The following IPO8 variants were observed in gnomAD, a reference collection of about 807,000 sequenced individuals.
IPO8 encodes the protein importin 8, also known as importin-8.
In IPO8, 65 loss-of-function variants were observed where a neutral mutation model predicts 141.2. The observed-to-expected ratio is 0.46, with a 90% CI of 0.38 to 0.57. The LOEUF (loss-of-function observed/expected upper bound fraction) is 0.57, where lower values mean the gene tolerates loss of function less well. IPO8 is among the 20% of genes least tolerant of loss of function. The pLI is 0.00. For missense variants in IPO8, 980 were observed against 1,246.8 expected, an observed-to-expected ratio of 0.79 and a Z score of 3.22; for synonymous variants, 411 against 420.3, an observed-to-expected ratio of 0.98 and a Z score of 0.27.
At chr12:30,665,527 C>T (rs2052950624) in intron 12 of IPO8, among the ~76,000 whole-genome samples, 1 of 152,174 alleles carries the variant, frequency 6.6e-6, no homozygotes, top group Non-Finnish European at 1.5e-5. Flanking sequence ...ATCCCTTTCA[C>T]ATATCAATAG....
At chr12:30,684,810 G>A (rs1283735776) in intron 2 of IPO8, among the ~76,000 whole-genome samples, 1 of 152,146 alleles carries the variant, frequency 6.6e-6, no homozygotes, top group Admixed American at 6.5e-5. Context: ...TTTCCTTCAT[G>A]AAGATGGCTT....
chr12:30,647,419 T>C (rs3910564), intron 20 of IPO8, among the ~76,000 whole-genome samples: 84,596 of 151,462 alleles, frequency 0.56, 24,545 homozygotes, highest in African/African-American at 0.71. Flanking sequence ...TGACAACGGC[T>C]GGGTACAGTG....
intron 3 of IPO8, among the ~76,000 whole-genome samples, chr12:30,682,900 T>C (rs551175120): frequency 1.3e-5 from 2 of 152,290 alleles, no homozygotes; most frequent in Admixed American, 1.3e-4. Context: ...ATGATTATAA[T>C]TAAGCCTTAA....
intron 17 of IPO8, 89 bp downstream of exon 17, chr12:30,656,595 T>C (rs1452639940): frequency 2.0e-5 from 13 of 660,234 alleles, no homozygotes; most frequent in Non-Finnish European, 3.3e-5. Context: ...ATTGTCCATC[T>C]TGTTAAATCT....
At chr12:30,688,449 A>G (rs1182959264) in intron 2 of IPO8, 2 of 435,766 alleles carry the variant, frequency 4.6e-6, no homozygotes, top group South Asian at 1.7e-5. Flanking sequence ...TCCACTTAAC[A>G]TTAGCATAAC....
intron 18 of IPO8, 63 bp from the exon 19 acceptor site, chr12:30,652,352 C>A (rs2052739725): frequency 1.0e-6 from 1 of 955,598 alleles, no homozygotes; most frequent in Non-Finnish European, 1.7e-6. Context: ...ATTATTCCCA[C>A]TGAAACCATA....
At chr12:30,677,125 A>C in intron 5 of IPO8, 1 of 1,459,806 alleles carries the variant, frequency 6.9e-7, no homozygotes, top group African/African-American at 1.4e-5. Flanking sequence ...TGCTACAGAC[A>C]TAATAAGATA....
intron 22 of IPO8, among the ~76,000 whole-genome samples, chr12:30,635,627 A>G (rs1014416263): frequency 1.3e-5 from 2 of 152,124 alleles, no homozygotes; most frequent in African/African-American, 4.8e-5. Context: ...CAGAACAAAA[A>G]TCAAGATAAG....
intron 16 of IPO8, among the ~76,000 whole-genome samples, chr12:30,658,852 G>GACTA (rs1244152403): frequency 2.0e-5 from 3 of 146,718 alleles, no homozygotes; most frequent in Non-Finnish European, 4.5e-5. Context: ...GGCAAATGAA[G>GACTA]ACTAGTCCAG....
intron 20 of IPO8, among the ~76,000 whole-genome samples, chr12:30,645,899 T>A (rs1374879813): frequency 6.8e-6 from 1 of 146,412 alleles, no homozygotes; most frequent in Non-Finnish European, 1.5e-5. Flanking sequence ...CAGACAAAAA[T>A]AGGCCCAGAT....
chr12:30,674,064 G>T lies in IPO8; in HGVS notation c.835C>A (p.Pro279Thr). ...VARLFERYGS[P>T]GNVTKEYFEF... ...AAGTATTCTTTTGTGACATTTCCTGGGCTTCCATATCTTAAAATACAAAGA... is the reference window on the plus strand; with the variant it reads ...AAGTATTCTTTTGTGACATTTCCTGTGCTTCCATATCTTAAAATACAAAGA... The change falls in exon 8 of 25, where the codon CCA becomes ACA. Residue 279 changes from proline (P) to threonine (T), a missense_variant. By Grantham distance (38) the Pro-to-Thr change is conservative. This residue lies in a region of IPO8 where 924 missense variants were observed against 1,153.9 expected (regional missense o/e 0.80). Transcript: ENST00000256079. 1 of 1,573,600 alleles carries T rather than the reference G, an allele frequency of 6.4e-7. No homozygotes were observed. Among genetic ancestry groups the T allele is most frequent in the Non-Finnish European group, 8.7e-7 (1 of 1,149,846 alleles).
chr12:30,681,849 A>T lies in IPO8; in HGVS notation c.324-32T>A, dbSNP rs540032680. On this transcript the variant is annotated intron_variant, in intron 3 of 24. Transcript: ENST00000256079. Reference sequence around the variant, plus strand: ...AGTAGGGAAGAAAAGTCCAAAATCTAAGTAATTATAAATACTGTGTTTCAA... The same window carrying T: ...AGTAGGGAAGAAAAGTCCAAAATCTTAGTAATTATAAATACTGTGTTTCAA... 5 of 1,561,586 alleles carry T rather than the reference A, an allele frequency of 3.2e-6. No individual in the cohort carries two copies. The East Asian group carries it at 9.1e-5, about 28-fold the overall frequency.
At chr12:30,654,498 A>G (rs1236579602) in intron 17 of IPO8, among the ~76,000 whole-genome samples, 2 of 152,072 alleles carry the variant, frequency 1.3e-5, no homozygotes, top group Non-Finnish European at 2.9e-5. Flanking sequence ...TATCCAAAAT[A>G]TATAAGGAAC....
rs1254510604 is a variant in IPO8 at position 30,695,052 on chromosome 12, T to C, written c.84+512A>G. ...TCCCAGAGCACTCTCCCAACAGCACTGCCCAGCGCTCCGCAAAACTCGGCC... is the reference window on the plus strand; with the variant it reads ...TCCCAGAGCACTCTCCCAACAGCACCGCCCAGCGCTCCGCAAAACTCGGCC... On this transcript the variant is annotated intron_variant, in intron 1 of 24. Transcript: ENST00000256079. This position sits in a 1 kb window ranked among gnomAD's most constrained non-coding sequence, Gnocchi z 4.2. The C allele has an allele frequency of 1.1e-5, 5 of 455,606 alleles. No individual in the cohort carries two copies. The highest frequency in any genetic ancestry group is 1.0e-4 in the African/African-American group (5 of 50,028). 28.2% of individuals were successfully genotyped at this position (455,606 alleles called of 1,614,324 possible). A position where few individuals can be genotyped will look rare whatever the true frequency, so the allele number is the denominator to read the frequency against.
intron 20 of IPO8, among the ~76,000 whole-genome samples, chr12:30,648,262 T>C (rs764989281): frequency 6.6e-6 from 1 of 152,156 alleles, no homozygotes; most frequent in Non-Finnish European, 1.5e-5. Flanking sequence ...AAAGTACCAA[T>C]ACACACTACC....
chr12:30,657,864 G>A (rs1255818684), intron 16 of IPO8, among the ~76,000 whole-genome samples: 1 of 151,902 alleles, frequency 6.6e-6, no homozygotes, highest in Non-Finnish European at 1.5e-5. Context: ...TTGCTTATAT[G>A]TTAATAGAAA....
intron 1 of IPO8, among the ~76,000 whole-genome samples, chr12:30,692,772 G>A (rs936560686): frequency 7.2e-5 from 11 of 152,078 alleles, no homozygotes; most frequent in African/African-American, 2.2e-4. Flanking sequence ...TTTCTGAACT[G>A]TTGTTCCTCT....
In IPO8 at chr12:30,668,385, C is replaced by G. The variant is rs142602862; in HGVS notation, c.1144+798G>C. Reference sequence around the variant, plus strand: ...ACCTGGCTCAACTAAGGGGAAAGCACTGCTTCATTACAGCACTTTCAGCAC... The same window carrying G: ...ACCTGGCTCAACTAAGGGGAAAGCAGTGCTTCATTACAGCACTTTCAGCAC... On this transcript the variant is annotated intron_variant, in intron 10 of 24. Transcript: ENST00000256079. 6.7e-3 allele frequency among the ~76,000 whole-genome samples: 1,017 copies of G among 152,278 alleles called. 7 individuals are homozygous for G. Among genetic ancestry groups the G allele is most frequent in the African/African-American group, 0.023 (969 of 41,562 alleles).
chr12:30,650,843 C>T (rs1174844490), intron 19 of IPO8, among the ~76,000 whole-genome samples: 1 of 151,996 alleles, frequency 6.6e-6, no homozygotes, highest in African/African-American at 2.4e-5. Flanking sequence ...CAACTATTTC[C>T]TAACCTCAGC....
Sources: gnomAD v4.1 joint callset for allele counts (sites outside exome capture counted in the v4.1 genomes callset) on GRCh38, gnomAD v4.1.1 for gene constraint, gnomAD v4.1.1 regional missense constraint, Gnocchi (gnomAD v3.1) non-coding constraint, MANE v1.5 for transcripts, NCBI Gene and HGNC (gene_info 2026-07-23, HGNC 2026-07-21) for gene names.